Variants in NUTM1 observed in about 807,000 individuals in gnomAD.
The protein encoded by NUTM1 is NUT midline carcinoma family member 1.
In NUTM1, 39 loss-of-function variants were observed where a neutral mutation model predicts 88.7. The ratio of observed to expected loss-of-function variants is 0.44; its 90% CI spans 0.34 to 0.57. The LOEUF (loss-of-function observed/expected upper bound fraction) is 0.57. Among genes scored for constraint, NUTM1 ranks in the 20% least tolerant of loss-of-function variants. The pLI is 0.01. For synonymous variants in NUTM1, 494 were observed against 538.0 expected (o/e 0.92, Z 1.13); for missense variants, 1,350 against 1,414.5 (o/e 0.95, Z 0.73).
At chr15:34,353,673 C>G in intron 4 of NUTM1, 63 bp from the exon 5 acceptor site, 5 of 1,593,800 alleles carry the variant, frequency 3.1e-6, no homozygotes, top group Non-Finnish European at 2.6e-6. Context: ...TGGCTGTCGT[C>G]TGGATTTCTG....
rs1291818373 is a variant in NUTM1 at position 34,346,042 on chromosome 15, C to T, written c.100+7C>T. On this transcript the variant is annotated splice_region_variant and intron_variant, in intron 2 of 7. Coordinates refer to ENST00000537011, the MANE Select transcript of NUTM1 (RefSeq NM_001284292.2). ...AGGATGGCTTCAGATGGAGGTAAGT[C>T]TGCAGGTGGTGAGGAGGATTTCTGG... 3.1e-6 allele frequency: 5 copies of T among 1,613,910 alleles called. No homozygotes were observed. The Admixed American group carries it at 5.0e-5, about 16-fold the overall frequency.
chr15:34,345,986 C>T lies in NUTM1; in HGVS notation c.51C>T (p.Ser17=). 1 of 1,614,160 alleles carries T rather than the reference C, an allele frequency of 6.2e-7. No individual in the cohort carries two copies. The highest frequency in any genetic ancestry group is 1.1e-5 in the South Asian group (1 of 91,080). ...PGPDCLILEA[S]RQPQLVPKPE... ...CTGACTGCCTCATTCTGGAGGCTTC[C>T]AGACAGCCACAGTTAGTGCCCAAAC... Residue 17 remains serine, a synonymous_variant, in exon 2 of 8, where the codon TCC becomes TCT. Coordinates refer to ENST00000537011, the MANE Select transcript of NUTM1 (RefSeq NM_001284292.2).
rs1177490078 is a variant in NUTM1, at chr15:34,343,711, C to T, written c.6+9C>T. On this transcript the variant is annotated intron_variant, in intron 1 of 7. Transcript: ENST00000537011. ...CGCTCTTTCTTATGGTGGTGAGTAG[C>T]TAATAATAACGTAATAAAGTGCACC... 3 of 1,532,996 alleles carry T rather than the reference C, an allele frequency of 2.0e-6. No homozygotes were observed. The highest frequency in any genetic ancestry group is 2.6e-6 in the Non-Finnish European group (3 of 1,144,610). The allele number at this position is 1,532,996 out of a possible 1,614,324, so 95.0% of individuals were successfully genotyped here.
At chr15:34,353,061 A>G (rs1890738482) in intron 4 of NUTM1, among the ~76,000 whole-genome samples, 1 of 151,288 alleles carries the variant, frequency 6.6e-6, no homozygotes, top group Non-Finnish European at 1.5e-5. Flanking sequence ...AATTTTGTGC[A>G]TTTTTAGTAG....
At chr15:34,351,151 C>T (rs549146744) in intron 4 of NUTM1, among the ~76,000 whole-genome samples, 1 of 131,802 alleles carries the variant, frequency 7.6e-6, no homozygotes, top group Admixed American at 9.0e-5. Flanking sequence ...TCGTTTGAAC[C>T]TGGGAGGTGG....
At position 34,356,164 on chromosome 15, in the gene NUTM1, A is replaced by G. The variant is rs1356994872; in HGVS notation, c.2156A>G (p.Asp719Gly). 3 of 1,611,672 alleles carry G rather than the reference A, an allele frequency of 1.9e-6. No homozygotes were observed. The highest frequency in any genetic ancestry group is 4.5e-5 in the East Asian group (2 of 44,784). The change falls in exon 8 of 8, where the codon GAT becomes GGT. Residue 719 changes from aspartate to glycine, a missense_variant. Physicochemically the swap from Asp to Gly is moderately conservative, Grantham distance 94 (BLOSUM62 -1). Around this residue, in one of 5 missense-constraint regions of NUTM1, gnomAD observed 730 missense variants for 728.8 expected, o/e 1.00. Transcript: ENST00000537011. ...GGCTCTTCAGGAGCCATGTGGGGAG[A>G]TGACAGAGGTACCCCCATGGCTCAG... ...WEGSSGAMWGDDRGTPMAQSY... is the reference protein window; with the variant it reads ...WEGSSGAMWGGDRGTPMAQSY...
chr15:34,356,805 G>C lies in NUTM1; in HGVS notation c.2797G>C (p.Asp933His). The C allele has an allele frequency of 6.2e-7, 1 of 1,611,790 alleles. No individual in the cohort carries two copies. The highest frequency in any genetic ancestry group is 8.5e-7 in the Non-Finnish European group (1 of 1,179,600). ...AACCATAGAACCTGTCAACATACTA[G>C]ATGTTAAAGATGACTGTGGCCTCCA... ...LETIEPVNILDVKDDCGLQLR... is the reference protein window; with the variant it reads ...LETIEPVNILHVKDDCGLQLR... Residue 933 changes from aspartate to histidine, a missense_variant, in exon 8 of 8, where the codon GAT becomes CAT. By Grantham distance (81) the Asp-to-His change is moderately conservative. Coordinates refer to ENST00000537011, the MANE Select transcript of NUTM1 (RefSeq NM_001284292.2).
chr15:34,350,152 G>T (rs1462103323), intron 3 of NUTM1, among the ~76,000 whole-genome samples: 1 of 152,208 alleles, frequency 6.6e-6, no homozygotes. Context: ...GATTTCTTCT[G>T]GATTAGGAAG....
At position 34,348,506 on chromosome 15, in the gene NUTM1, C is replaced by G. The variant is rs1266313029; in HGVS notation, c.638C>G (p.Thr213Arg). The stretch of plus-strand genomic sequence containing the variant: ...AAAGCTTGGCCAGGGCCACATGGGA[C>G]AACCGGGGAAGGAGGTCCTGTGGCC... ...LEKAWPGPHG[T>R]TGEGGPVATL... Residue 213 changes from threonine (T) to arginine (R), a missense_variant, in exon 3 of 8, where the codon ACA becomes AGA. By Grantham distance (71) the Thr-to-Arg change is moderately conservative (BLOSUM62 -1). This residue lies in a region of NUTM1 where 399 missense variants were observed against 397.9 expected (regional missense o/e 1.00). Coordinates refer to ENST00000537011, the MANE Select transcript of NUTM1 (RefSeq NM_001284292.2). 6.2e-7 allele frequency: 1 copy of G among 1,614,182 alleles called. No homozygotes were observed. Among genetic ancestry groups the G allele is most frequent in the Non-Finnish European group, 8.5e-7 (1 of 1,180,014 alleles).
rs147738733 is a variant in NUTM1 at position 34,348,486 on chromosome 15, T to C, written c.618T>C (p.Ala206=). 1,775 of 1,614,168 alleles carry C rather than the reference T, an allele frequency of 1.1e-3. 15 individuals carry two copies. The highest frequency in any genetic ancestry group is 7.1e-3 in the South Asian group (644 of 91,090). The part of the protein sequence containing the change: ...QLVPIVPLEK[A]WPGPHGTTGE... ...TCCCCATTGTGCCCCTGGAAAAAGCTTGGCCAGGGCCACATGGGACAACCG... is the reference window on the plus strand; with the variant it reads ...TCCCCATTGTGCCCCTGGAAAAAGCCTGGCCAGGGCCACATGGGACAACCG... Residue 206 remains alanine (A), a synonymous_variant, in exon 3 of 8, where the codon GCT becomes GCC. Transcript: ENST00000537011.
Position 34,356,310 on chromosome 15 carries a change from G to A in NUTM1, c.2302G>A (p.Glu768Lys), listed in dbSNP as rs748534306. 3.1e-6 allele frequency: 5 copies of A among 1,613,794 alleles called. No homozygotes were observed. Among genetic ancestry groups the A allele is most frequent in the East Asian group, 2.2e-5 (1 of 44,868 alleles). The change falls in exon 8 of 8, where the codon GAG (glutamate) becomes AAG (lysine). Residue 768 changes from glutamate (E) to lysine (K), a missense_variant. Transcript: ENST00000537011. ...AVGLELPVQI[E>K]EVIESFQVEK... Reference sequence around the variant, plus strand: ...AGGCTTGGAGCTGCCTGTACAAATAGAGGAGGTCATAGAGAGCTTCCAAGT... The same window carrying A: ...AGGCTTGGAGCTGCCTGTACAAATAAAGGAGGTCATAGAGAGCTTCCAAGT...
In NUTM1 at chr15:34,348,181, G is replaced by A. The variant is rs1176636592; in HGVS notation, c.313G>A (p.Gly105Ser). The stretch of plus-strand genomic sequence containing the variant: ...CTCACTGTTGGTGACAGGGGATGGG[G>A]GCCCTTGCCTCAGTGGGGCTGGGGC... ...PSSLLVTGDG[G>S]PCLSGAGAGK... The change falls in exon 3 of 8, where the codon GGC becomes AGC. Residue 105 changes from glycine (G) to serine (S), a missense_variant. This residue lies in a region of NUTM1 where 399 missense variants were observed against 397.9 expected (regional missense o/e 1.00). Transcript: ENST00000537011. 4 of 1,614,046 alleles carry A rather than the reference G, an allele frequency of 2.5e-6. No homozygotes were observed. Among genetic ancestry groups the A allele is most frequent in the Admixed American group, 1.7e-5 (1 of 60,010 alleles).
chr15:34,344,184 T>A (rs2140148824), intron 1 of NUTM1, among the ~76,000 whole-genome samples: 1 of 148,584 alleles, frequency 6.7e-6, no homozygotes, highest in Non-Finnish European at 1.5e-5. Context: ...ATAGCACCAC[T>A]GCACTCCAGC....
Position 34,347,903 on chromosome 15 carries a change from A to C in NUTM1, c.101-66A>C, listed in dbSNP as rs1246392615. The stretch of plus-strand genomic sequence containing the variant: ...AAAAATAAAAATAAAAAAATGGGGA[A>C]TTCAGATGGCTAACTCTGGTCTTCT... On this transcript the variant is annotated intron_variant, in intron 2 of 7. Transcript: ENST00000537011. 4.8e-6 allele frequency: 4 copies of C among 839,946 alleles called. No homozygotes were observed. In the African/African-American group the frequency reaches 5.2e-5, roughly 11 times the overall value. 52.0% of individuals were successfully genotyped at this position (839,946 alleles called of 1,614,324 possible).
Position 34,347,882 on chromosome 15 carries a change from AT to A in NUTM1, c.101-86del, listed in dbSNP as rs1566887897. 52 of 659,152 alleles carry A rather than the reference AT, an allele frequency of 7.9e-5. No individual in the cohort carries two copies. The African/African-American group carries it at 8.1e-4, about 10-fold the overall frequency. The allele number at this position is 659,152 out of a possible 1,614,324, so 40.8% of individuals were successfully genotyped here. A position where few individuals can be genotyped will look rare whatever the true frequency, so the allele number is the denominator to read the frequency against. ...AATAAAAATAAAAATAAAAATAAAA[AT>A]AAAAATAAAAAAATGGGGAATTCAG... On this transcript the variant is annotated intron_variant, in intron 2 of 7. Coordinates refer to ENST00000537011, the MANE Select transcript of NUTM1 (RefSeq NM_001284292.2).
rs531635527 is a variant in NUTM1 at position 34,357,045 on chromosome 15, C to T, written c.3037C>T (p.Pro1013Ser). The change falls in exon 8 of 8, where the codon CCG (proline) becomes TCG (serine). Residue 1013 changes from proline (P) to serine (S), a missense_variant. Physicochemically the swap from Pro to Ser is moderately conservative, Grantham distance 74. Transcript: ENST00000537011. ...PRRGTRNAIV[P>S]RETSVSKTHR... The stretch of plus-strand genomic sequence containing the variant: ...AAGGGGAACCAGGAATGCCATAGTT[C>T]CGAGAGAAACTTCTGTTAGTAAAAC... 8.7e-6 allele frequency: 14 copies of T among 1,613,890 alleles called. 1 individual carries two copies. The South Asian group carries it at 1.1e-4, about 13-fold the overall frequency.
chr15:34,344,273 G>A (rs1157721995), intron 1 of NUTM1, among the ~76,000 whole-genome samples: 1 of 151,412 alleles, frequency 6.6e-6, no homozygotes, highest in African/African-American at 2.4e-5. Context: ...AGCACTTTGG[G>A]AGGCTGAGAC....
At position 34,346,325 on chromosome 15, in the gene NUTM1, G is replaced by A. The variant is rs554413156; in HGVS notation, c.100+290G>A. On this transcript the variant is annotated intron_variant, in intron 2 of 7. Transcript: ENST00000537011. ...GGGACACTTCCGCATGTGTTTTTGT[G>A]GTGGGAGAGAGGATCAGGGGTATGT... Among the ~76,000 whole-genome samples the A allele has an allele frequency of 1.7e-3, 251 of 152,028 alleles. 1 individual carries two copies. Among genetic ancestry groups the A allele is most frequent in the African/African-American group, 5.8e-3 (239 of 41,466 alleles).
Position 34,343,640 on chromosome 15 carries a change from A to G in NUTM1, c.-57A>G, listed in dbSNP as rs1890527209. 9 of 1,535,312 alleles carry G rather than the reference A, an allele frequency of 5.9e-6. No individual in the cohort carries two copies. Among genetic ancestry groups the G allele is most frequent in the East Asian group, 4.9e-5 (2 of 40,926 alleles). ...TTATGAAACTGGTGAAGCATGTTTCAGCGGTCGAACCAAGATTTAAAGTTA... is the reference window on the plus strand; with the variant it reads ...TTATGAAACTGGTGAAGCATGTTTCGGCGGTCGAACCAAGATTTAAAGTTA... On this transcript the variant is annotated 5_prime_UTR_variant, in exon 1 of 8. Transcript: ENST00000537011.
Sources: allele counts gnomAD v4.1 joint callset (sites outside exome capture counted in the v4.1 genomes callset), GRCh38; gene constraint gnomAD v4.1.1; regional missense constraint gnomAD v4.1.1; transcripts MANE v1.5; gene names NCBI Gene and HGNC (gene_info 2026-07-23, HGNC 2026-07-21).